The following ARID3A variants were observed in gnomAD, a reference collection of about 807,000 sequenced individuals.
ARID3A encodes the protein AT-rich interactive domain-containing protein 3A.
A neutral mutation model predicts 52.7 loss-of-function variants in ARID3A; 11 were observed. The observed-to-expected ratio is 0.21, with a 90% CI of 0.13 to 0.35. ARID3A has a LOEUF of 0.35. Among genes scored for constraint, ARID3A ranks in the 10% least tolerant of loss-of-function variants. The pLI is 1.00. For synonymous variants in ARID3A, 404 were observed against 359.4 expected, an observed-to-expected ratio of 1.12 and a Z score of -1.40; for missense variants, 721 against 838.5, an observed-to-expected ratio of 0.86 and a Z score of 1.73.
At chr19:950,925 C>A (rs2037792015) in intron 3 of ARID3A, among the ~76,000 whole-genome samples, 1 of 152,018 alleles carries the variant, frequency 6.6e-6, no homozygotes, top group South Asian at 2.1e-4. Flanking sequence ...CGGGTTCAAA[C>A]TATTCTCCTG....
chr19:932,996 C>T (rs2037365518), intron 3 of ARID3A, among the ~76,000 whole-genome samples: 1 of 152,134 alleles, frequency 6.6e-6, no homozygotes, highest in Non-Finnish European at 1.5e-5. Flanking sequence ...CCACGGCCCC[C>T]ATATCGGAGG....
In ARID3A at chr19:965,094, TG is replaced by T. The variant is rs1303336457; in HGVS notation, c.1198+18del. Reference sequence around the variant, plus strand: ...AGATCAAGAAAGGTAAGGGCCTGTATGGGGCCTGGGGCGTGTTCCCAACTGA... The same window carrying T: ...AGATCAAGAAAGGTAAGGGCCTGTATGGGCCTGGGGCGTGTTCCCAACTGA... On this transcript the variant is annotated intron_variant, in intron 6 of 8. Coordinates refer to ENST00000263620, the MANE Select transcript of ARID3A (RefSeq NM_005224.3). The T allele has an allele frequency of 6.3e-7, 1 of 1,585,142 alleles. No homozygotes were observed.
intron 3 of ARID3A, among the ~76,000 whole-genome samples, chr19:948,510 C>G (rs2037733969): frequency 6.6e-6 from 1 of 152,054 alleles, no homozygotes; most frequent in Non-Finnish European, 1.5e-5. Context: ...AAACTGAGGC[C>G]CGGAGAATGG....
intron 4 of ARID3A, among the ~76,000 whole-genome samples, chr19:962,924 G>A (rs1332316798): frequency 1.3e-5 from 2 of 152,224 alleles, no homozygotes; most frequent in Non-Finnish European, 2.9e-5. Flanking sequence ...GCTGAAACCC[G>A]GCGCGGCTCC....
chr19:931,852 T>C (rs1275161069), intron 2 of ARID3A, among the ~76,000 whole-genome samples: 1 of 145,662 alleles, frequency 6.9e-6, no homozygotes. Context: ...GCCAAGAAAG[T>C]CTAGGAGGGT....
intron 3 of ARID3A, among the ~76,000 whole-genome samples, chr19:958,423 AT>A (rs1490040749): frequency 2.1e-5 from 1 of 48,520 alleles, no homozygotes; most frequent in Non-Finnish European, 5.2e-5. Flanking sequence ...GCGAGACTCC[AT>A]CTCAAAAAAA....
At chr19:957,447 C>T (rs12976695) in intron 3 of ARID3A, among the ~76,000 whole-genome samples, 17,360 of 152,238 alleles carry the variant, frequency 0.11, 1,474 homozygotes, top group East Asian at 0.39. Flanking sequence ...AATGCGCTCC[C>T]GTCCGACCCT....
intron 3 of ARID3A, among the ~76,000 whole-genome samples, chr19:952,441 CAAAAAAAAAAAAAA>C (rs10663796): frequency 1.5e-4 from 9 of 59,776 alleles, no homozygotes; most frequent in East Asian, 6.0e-4. Context: ...GACCCTGTCT[CAAAAAAAAAAAAAA>C]AAAAAAAAAA....
rs1375225369 is a variant in ARID3A at position 942,530 on chromosome 19, A to G, written c.693+9788A>G. 6.6e-6 allele frequency among the ~76,000 whole-genome samples: 1 copy of G among 152,218 alleles called. No homozygotes were observed. The highest frequency in any genetic ancestry group is 2.4e-5 in the African/African-American group (1 of 41,454). ...GAGGACAATTGGGGGTCACAGGGTT[A>G]AACGCTGACTAATCTGGCCATTGAA... On this transcript the variant is annotated intron_variant, in intron 3 of 8. Transcript: ENST00000263620. This position sits in a 1 kb window ranked among gnomAD's most constrained non-coding sequence, Gnocchi z 8.1.
intron 4 of ARID3A, among the ~76,000 whole-genome samples, chr19:963,595 C>G (rs953635031): frequency 2.0e-5 from 3 of 152,156 alleles, no homozygotes; most frequent in Admixed American, 6.5e-5. Context: ...GGGCAGGAAC[C>G]TGAGTCAGCC....
chr19:931,823 CA>C (rs376224000), intron 2 of ARID3A, among the ~76,000 whole-genome samples: 10,273 of 115,574 alleles, frequency 0.089, 676 homozygotes, highest in East Asian at 0.32. Context: ...AAAAAAAAGA[CA>C]AAAAAAAAAA....
Position 962,671 on chromosome 19 carries a change from C to A in ARID3A, c.767-1577C>A, listed in dbSNP as rs560729061. Among the ~76,000 whole-genome samples the A allele has an allele frequency of 3.7e-4, 56 of 152,172 alleles. No individual in the cohort carries two copies. In the South Asian group the frequency reaches 0.012, roughly 32 times the overall value. ...CTGGGATTACAGGCGCCCGCCACCACGCCCGGCTAATTTTTGTATTTTTAG... is the reference window on the plus strand; with the variant it reads ...CTGGGATTACAGGCGCCCGCCACCAAGCCCGGCTAATTTTTGTATTTTTAG... On this transcript the variant is annotated intron_variant, in intron 4 of 8. Coordinates refer to ENST00000263620, the MANE Select transcript of ARID3A (RefSeq NM_005224.3).
intron 3 of ARID3A, among the ~76,000 whole-genome samples, chr19:935,927 A>G (rs957608469): frequency 1.3e-5 from 2 of 152,206 alleles, no homozygotes; most frequent in African/African-American, 2.4e-5. Context: ...AGTAGCTGGG[A>G]CTACAGGCAT....
At position 973,109 on chromosome 19, in the gene ARID3A, T is replaced by C. The variant is rs1051170547; in HGVS notation, c.*1044T>C. ...CTCGAGTCAGGGGCCTGGAAATTTT[T>C]TTTTTTTTTTTTTTTTGAGACGGAG... On this transcript the variant is annotated 3_prime_UTR_variant, in exon 9 of 9. Coordinates refer to ENST00000263620, the MANE Select transcript of ARID3A (RefSeq NM_005224.3). 2.6e-5 allele frequency: 3 copies of C among 117,290 alleles called. No individual in the cohort carries two copies. Among genetic ancestry groups the C allele is most frequent in the East Asian group, 1.3e-4 (1 of 7,506 alleles). The allele number at this position is 117,290 out of a possible 1,614,324, so 7.3% of individuals were successfully genotyped here.
chr19:948,026 G>T, intron 3 of ARID3A, among the ~76,000 whole-genome samples: 1 of 152,150 alleles, frequency 6.6e-6, no homozygotes, highest in East Asian at 1.9e-4. Context: ...GGCGGGGAAG[G>T]GCCTGAGGTC....
chr19:947,517 C>T lies in ARID3A; in HGVS notation c.694-12575C>T, dbSNP rs1488568671. Among the ~76,000 whole-genome samples the T allele has an allele frequency of 1.3e-5, 2 of 152,196 alleles. No individual in the cohort carries two copies. Among genetic ancestry groups the T allele is most frequent in the Non-Finnish European group, 2.9e-5 (2 of 68,038 alleles). On this transcript the variant is annotated intron_variant, in intron 3 of 8. Coordinates refer to ENST00000263620, the MANE Select transcript of ARID3A (RefSeq NM_005224.3). The surrounding 1 kb of genome is among the most constrained non-coding windows in gnomAD (Gnocchi z 6.3). ...CTCCTCCCTGAGCAAGGGACTCCCC[C>T]ATCCATGTCTCAGCCCCCACCCAGA...
rs550688908 is a variant in ARID3A at position 972,129 on chromosome 19, G to A, written c.*64G>A. 3.3e-5 allele frequency: 48 copies of A among 1,433,406 alleles called. No homozygotes were observed. The South Asian group carries it at 6.0e-4, about 18-fold the overall frequency. 88.8% of individuals were successfully genotyped at this position (1,433,406 alleles called of 1,614,324 possible). On this transcript the variant is annotated 3_prime_UTR_variant, in exon 9 of 9. Transcript: ENST00000263620. ...CCGGCCTGGGCAGGGGGTCCAGGTG[G>A]GCCACACAGGGGCCAGGATGGCGGA... is the stretch of plus-strand genomic sequence containing the variant.
chr19:964,952 C>T lies in ARID3A; in HGVS notation c.1070C>T (p.Ser357Phe). ...GGCCGGCGCCAGAGCTTTGGTGGCTCCCTCTTTGCCTACTCGCCAGGCGGG... is the reference window on the plus strand; with the variant it reads ...GGCCGGCGCCAGAGCTTTGGTGGCTTCCTCTTTGCCTACTCGCCAGGCGGG... ...REGRRQSFGG[S>F]LFAYSPGGAH... Residue 357 changes from serine to phenylalanine, a missense_variant, in exon 6 of 9, where the codon TCC becomes TTC. By Grantham distance (155) the Ser-to-Phe change is radical. Transcript: ENST00000263620. This position sits in a 1 kb window ranked among gnomAD's most constrained non-coding sequence, Gnocchi z 5.7. 1 of 1,613,966 alleles carries T rather than the reference C, an allele frequency of 6.2e-7. No homozygotes were observed. The highest frequency in any genetic ancestry group is 8.5e-7 in the Non-Finnish European group (1 of 1,180,024).
intron 3 of ARID3A, among the ~76,000 whole-genome samples, chr19:937,324 C>T (rs12462284): frequency 0.023 from 3,489 of 152,250 alleles, 198 homozygotes; most frequent in East Asian, 0.2. Flanking sequence ...TTGTGTCTGG[C>T]GTATCTCACT....
Sources: gnomAD v4.1 joint callset for allele counts (sites outside exome capture counted in the v4.1 genomes callset) on GRCh38, gnomAD v4.1.1 for gene constraint, Gnocchi (gnomAD v3.1) non-coding constraint, MANE v1.5 for transcripts, NCBI Gene and HGNC (gene_info 2026-07-23, HGNC 2026-07-21) for gene names.